SOX6: variants seen among roughly 807,000 people sequenced by gnomAD.
SOX6 encodes SRY-box transcription factor 6, also known as transcription factor SOX-6.
A neutral mutation model predicts 97.8 loss-of-function variants in SOX6; 11 were observed. The observed-to-expected ratio is 0.11, with a 90% CI of 0.07 to 0.19. SOX6 has a LOEUF of 0.19. SOX6 is among the 10% of genes least tolerant of loss of function. The probability of loss-of-function intolerance (pLI) is 1.00; values close to 1 mark genes in which losing one functional copy is unlikely to be tolerated. For missense variants in SOX6, 810 were observed against 1,039.5 expected, an observed-to-expected ratio of 0.78 and a Z score of 3.04; for synonymous variants, 360 against 371.4, an observed-to-expected ratio of 0.97 and a Z score of 0.35.
intron 3 of SOX6, chr11:16,283,816 T>G (rs1854652024): frequency 2.8e-6 from 1 of 355,356 alleles, no homozygotes; most frequent in Non-Finnish European, 5.4e-6. Context: ...TTCGATAATT[T>G]CAGTTACTTT....
intron 3 of SOX6, among the ~76,000 whole-genome samples, chr11:16,252,690 C>T (rs780976051): frequency 1.3e-4 from 20 of 152,086 alleles, no homozygotes; most frequent in Non-Finnish European, 2.5e-4. Flanking sequence ...ACGATTTTTC[C>T]AGAGCCTAAC....
At chr11:16,184,901 C>CAGG (rs1554941387) in intron 5 of SOX6, among the ~76,000 whole-genome samples, 1 of 151,534 alleles carries the variant, frequency 6.6e-6, no homozygotes, top group African/African-American at 2.4e-5. Context: ...AGAGAGCACT[C>CAGG]AGGACTTTGT....
chr11:16,452,541 G>A lies in SOX6; in HGVS notation c.-5+23774C>T, dbSNP rs756015322. On this transcript the variant is annotated intron_variant, in intron 1 of 15. Transcript: ENST00000396356. ...AAATGTTTTTTAAGCTTGATTTTGA[G>A]GAAGCCTCCACTGTTTGAAGTTTTC... Among the ~76,000 whole-genome samples the A allele has an allele frequency of 6.4e-4, 97 of 152,210 alleles. 1 individual carries two copies. Among genetic ancestry groups the A allele is most frequent in the Middle Eastern group, 3.4e-3 (1 of 292 alleles).
chr11:16,549,579 A>G (rs1397505141), intron 4 of SOX6, among the ~76,000 whole-genome samples: 1 of 152,220 alleles, frequency 6.6e-6, no homozygotes, highest in Non-Finnish European at 1.5e-5. Flanking sequence ...CATCCAACAG[A>G]GTAATCCAAT....
At chr11:16,653,417 T>C (rs745323393) in intron 3 of SOX6, among the ~76,000 whole-genome samples, 85 of 152,232 alleles carry the variant, frequency 5.6e-4, no homozygotes, top group African/African-American at 2.0e-3. Flanking sequence ...GTGGTAAATA[T>C]ACACCATGGA....
intron 4 of SOX6, among the ~76,000 whole-genome samples, chr11:16,513,203 C>A (rs2133152924): frequency 6.6e-6 from 1 of 152,040 alleles, no homozygotes; most frequent in Non-Finnish European, 1.5e-5. Flanking sequence ...TTTTCTGATC[C>A]CAAACTAAAA....
intron 1 of SOX6, among the ~76,000 whole-genome samples, chr11:16,467,489 C>CA (rs1860063835): frequency 6.6e-6 from 1 of 152,176 alleles, no homozygotes; most frequent in African/African-American, 2.4e-5. Flanking sequence ...CTTTGCAGGA[C>CA]ATGGATGGAG....
chr11:16,059,643 C>G (rs977747406), intron 9 of SOX6, among the ~76,000 whole-genome samples: 1 of 151,902 alleles, frequency 6.6e-6, no homozygotes, highest in African/African-American at 2.4e-5. Context: ...TCTAATATAA[C>G]AAGCCTCTAA....
intron 2 of SOX6, among the ~76,000 whole-genome samples, chr11:16,326,358 C>T (rs1248280948): frequency 6.6e-6 from 1 of 151,980 alleles, no homozygotes; most frequent in Non-Finnish European, 1.5e-5. Context: ...AACTAGATAC[C>T]AAATTCTACA....
At chr11:16,038,332 A>G (rs1725545359) in intron 12 of SOX6, among the ~76,000 whole-genome samples, 1 of 152,112 alleles carries the variant, frequency 6.6e-6, no homozygotes. Context: ...TATGCAAATT[A>G]ATAGCATTTC....
At chr11:16,313,962 C>T (rs1207436594) in intron 3 of SOX6, 5 of 152,044 alleles carry the variant, frequency 3.3e-5, no homozygotes, top group South Asian at 2.1e-4. Flanking sequence ...CTGCTGCCTT[C>T]GTTCAGCAGA....
chr11:16,341,100 T>A lies in SOX6; in HGVS notation c.149A>T (p.Lys50Ile). Residue 50 changes from lysine (K) to isoleucine (I), a missense_variant, in exon 2 of 16, where the codon AAA (lysine) becomes ATA (isoleucine). Physicochemically the swap from Lys to Ile is moderately radical, Grantham distance 102 (BLOSUM62 -3). Around this residue, in one of 9 missense-constraint regions of SOX6, gnomAD observed 100 missense variants for 94.6 expected, o/e 1.06. Coordinates refer to ENST00000683767, the MANE Select transcript of SOX6 (RefSeq NM_001367873.1). ...TGTTGGTAGCTCCTCAGAGTGAGGT[T>A]TGTTGTGCATTATGGGGTGCAGAGG... ...HLPLHPIMHN[K>I]PHSEELPTLV... The A allele has an allele frequency of 1.2e-6, 2 of 1,613,478 alleles. No individual in the cohort carries two copies. The highest frequency in any genetic ancestry group is 2.2e-5 in the East Asian group (1 of 44,846).
intron 3 of SOX6, among the ~76,000 whole-genome samples, chr11:16,682,698 C>T (rs1490406722): frequency 1.3e-5 from 2 of 152,220 alleles, no homozygotes; most frequent in Non-Finnish European, 2.9e-5. Flanking sequence ...TGCCCTCTCC[C>T]ATCACTCCTC....
At position 16,133,791 on chromosome 11, in the gene SOX6, C is replaced by T. The variant is rs1459845035; in HGVS notation, c.778-21868G>A. On this transcript the variant is annotated intron_variant, in intron 6 of 15. Coordinates refer to ENST00000683767, the MANE Select transcript of SOX6 (RefSeq NM_001367873.1). ...GCAACCTCTGCCTCCCAGGTTCAAG[C>T]GATTCTCCTGCCTCAGCCTCATGAG... Among the ~76,000 whole-genome samples the T allele has an allele frequency of 7.9e-5, 12 of 152,200 alleles. No individual in the cohort carries two copies. In the South Asian group the frequency reaches 1.0e-3, roughly 13 times the overall value.
At position 16,651,707 on chromosome 11, in the gene SOX6, C is replaced by A. The variant is rs1192525263; in HGVS notation, n.430-39447G>T. Among the ~76,000 whole-genome samples, 4 of 152,286 alleles carry A rather than the reference C, an allele frequency of 2.6e-5. No homozygotes were observed. In the East Asian group the frequency reaches 7.7e-4, roughly 29 times the overall value. On this transcript the variant is annotated intron_variant and non_coding_transcript_variant, in intron 3 of 5. Coordinates refer to the SOX6 transcript ENST00000524520. ...AAATTGAAAGCATTCCCCCTGAGAACTGGAACAAGACAAGGATGCCCACTC... is the reference window on the plus strand; with the variant it reads ...AAATTGAAAGCATTCCCCCTGAGAAATGGAACAAGACAAGGATGCCCACTC...
chr11:16,269,805 T>C (rs943700528), intron 3 of SOX6: 1 of 151,246 alleles, frequency 6.6e-6, no homozygotes, highest in African/African-American at 2.4e-5. Context: ...ACGGAAGAAT[T>C]TTTCTTTTAT....
chr11:16,236,733 T>C lies in SOX6; in HGVS notation c.446-2062A>G, dbSNP rs992698059. ...GATGTAAAACAGGCTAAAATATGTC[T>C]CTCATTTCTATAAATAGACCTGAAA... On this transcript the variant is annotated intron_variant, in intron 3 of 15. Transcript: ENST00000683767. 3.3e-5 allele frequency among the ~76,000 whole-genome samples: 5 copies of C among 151,956 alleles called. No homozygotes were observed. The South Asian group carries it at 8.3e-4, about 25-fold the overall frequency.
chr11:16,269,598 T>C (rs1373509316), intron 3 of SOX6, among the ~76,000 whole-genome samples: 1 of 150,974 alleles, frequency 6.6e-6, no homozygotes, highest in Non-Finnish European at 1.5e-5. Context: ...TTTGTTCAGA[T>C]GTACTACTGT....
chr11:16,228,882 A>G (rs1251418572), intron 4 of SOX6, among the ~76,000 whole-genome samples: 1 of 152,202 alleles, frequency 6.6e-6, no homozygotes, highest in African/African-American at 2.4e-5. Flanking sequence ...TCCAACTCCT[A>G]TCAAGGAGTT....
Sources: allele counts gnomAD v4.1 joint callset (sites outside exome capture counted in the v4.1 genomes callset), GRCh38; gene constraint gnomAD v4.1.1; regional missense constraint gnomAD v4.1.1; transcripts MANE v1.5; gene names NCBI Gene and HGNC (gene_info 2026-07-23, HGNC 2026-07-21).